Variants in TSNAXIP1 observed in about 807,000 individuals in gnomAD.
The protein encoded by TSNAXIP1 is translin associated factor X interacting protein 1.
TSNAXIP1 carries 89 observed loss-of-function variants against 84.8 expected under a neutral mutation model. That is an observed-to-expected ratio of 1.05 (90% CI 0.88 to 1.25). The LOEUF (loss-of-function observed/expected upper bound fraction) is 1.25, where lower values mean the gene tolerates loss of function less well. Ranked by LOEUF, TSNAXIP1 falls within the 50% of genes most tolerant of loss-of-function variation. The pLI is 0.00. For missense variants in TSNAXIP1, 874 were observed against 887.6 expected, an observed-to-expected ratio of 0.98 and a Z score of 0.20; for synonymous variants, 347 against 335.2, an observed-to-expected ratio of 1.04 and a Z score of -0.39.
In TSNAXIP1 at chr16:67,826,082, G is replaced by C; in HGVS notation, c.1144+6G>C. On this transcript the variant is annotated splice_donor_region_variant and intron_variant, in intron 9 of 15. Coordinates refer to ENST00000561639, the MANE Select transcript of TSNAXIP1 (RefSeq NM_001288990.3). ...TGACTGGACCAAGTGCAAAGGTGAG[G>C]GCAGCCGGCAGGGCCCCAGGTCCTG... 6.2e-7 allele frequency: 1 copy of C among 1,613,344 alleles called. No individual in the cohort carries two copies. The highest frequency in any genetic ancestry group is 8.5e-7 in the Non-Finnish European group (1 of 1,180,036).
chr16:67,819,418 A>G (rs2056852176), intron 2 of TSNAXIP1, among the ~76,000 whole-genome samples: 1 of 148,662 alleles, frequency 6.7e-6, no homozygotes, highest in South Asian at 2.1e-4. Context: ...TAATTTTTGT[A>G]TTTTTAGTAG....
At chr16:67,822,673 T>C (rs1449636128) in intron 4 of TSNAXIP1, among the ~76,000 whole-genome samples, 2 of 152,212 alleles carry the variant, frequency 1.3e-5, no homozygotes, top group Non-Finnish European at 2.9e-5. Flanking sequence ...AGAGAATCCC[T>C]GCCTTTTGAC....
chr16:67,826,989 G>A lies in TSNAXIP1; in HGVS notation c.1581G>A (p.Gln527=). ...GGAGTGAGAATGTGTATGTCACCCAGAAGGAGACAGTAGCCCAGCTGCTGA... is the reference window on the plus strand; with the variant it reads ...GGAGTGAGAATGTGTATGTCACCCAAAAGGAGACAGTAGCCCAGCTGCTGA... ...GKRSENVYVT[Q]KETVAQLLKE... is the part of the protein sequence containing the mutation. Residue 527 remains glutamine, a synonymous_variant, in exon 13 of 16, where the codon CAG becomes CAA. Transcript: ENST00000561639. 6.2e-7 allele frequency: 1 copy of A among 1,614,146 alleles called. No individual in the cohort carries two copies. The highest frequency in any genetic ancestry group is 8.5e-7 in the Non-Finnish European group (1 of 1,180,008).
intron 1 of TSNAXIP1, among the ~76,000 whole-genome samples, chr16:67,810,391 T>G (rs1962568323): frequency 6.6e-6 from 1 of 151,874 alleles, no homozygotes; most frequent in South Asian, 2.1e-4. Flanking sequence ...GAGGCCAAGG[T>G]GGGCAGATCA....
rs748805985 is a variant in TSNAXIP1 at position 67,827,380 on chromosome 16, G to A, written c.1791+5G>A. The A allele has an allele frequency of 6.2e-7, 1 of 1,614,204 alleles. No individual in the cohort carries two copies. Among genetic ancestry groups the A allele is most frequent in the Non-Finnish European group, 8.5e-7 (1 of 1,180,042 alleles). On this transcript the variant is annotated splice_donor_5th_base_variant and intron_variant, in intron 14 of 15. Coordinates refer to ENST00000561639, the MANE Select transcript of TSNAXIP1 (RefSeq NM_001288990.3). ...TACCGCTCACTGTTTATGGAGGTGG[G>A]TGTGTGGGGTCCGGGGACTGGCCTG...
chr16:67,824,815 G>T, intron 6 of TSNAXIP1, 36 bp downstream of exon 6: 2 of 1,595,770 alleles, frequency 1.3e-6, no homozygotes, highest in Non-Finnish European at 1.7e-6. Flanking sequence ...CCAAGTCCCC[G>T]AATTCCTGCC....
At position 67,824,738 on chromosome 16, in the gene TSNAXIP1, ATCG is replaced by A; in HGVS notation, c.638_640del (p.Ile213_Asp214delinsAsn). The A allele has an allele frequency of 6.2e-7, 1 of 1,614,188 alleles. No homozygotes were observed. Among genetic ancestry groups the A allele is most frequent in the Non-Finnish European group, 8.5e-7 (1 of 1,180,014 alleles). On this transcript the variant is annotated inframe_deletion, in exon 6 of 16. Transcript: ENST00000561639. Reference sequence around the variant, plus strand: ...AGAGAAGATGAACTTGCTAAAACTCATCGACAAAAAGAATGAGGAGAAGATTTC... The same window carrying A: ...AGAGAAGATGAACTTGCTAAAACTCAACAAAAAGAATGAGGAGAAGATTTC...
Position 67,827,349 on chromosome 16 carries a change from C to T in TSNAXIP1, c.1765C>T (p.Leu589Phe), listed in dbSNP as rs369782798. The T allele has an allele frequency of 3.1e-6, 5 of 1,614,230 alleles. No homozygotes were observed. In the South Asian group the frequency reaches 4.4e-5, roughly 14 times the overall value. ...WHPSSSNADL[L>F]NYRSLFMEDE... Reference sequence around the variant, plus strand: ...TCCCAGCAGCAGCAATGCAGACTTGCTCAACTACCGCTCACTGTTTATGGA... The same window carrying T: ...TCCCAGCAGCAGCAATGCAGACTTGTTCAACTACCGCTCACTGTTTATGGA... The change falls in exon 14 of 16, where the codon CTC becomes TTC. Residue 589 changes from leucine (L) to phenylalanine (F), a missense_variant. By Grantham distance (22) the Leu-to-Phe change is conservative. Coordinates refer to ENST00000561639, the MANE Select transcript of TSNAXIP1 (RefSeq NM_001288990.3).
intron 2 of TSNAXIP1, among the ~76,000 whole-genome samples, chr16:67,818,943 A>C (rs531556028): frequency 3.2e-4 from 48 of 152,144 alleles, no homozygotes; most frequent in Non-Finnish European, 5.7e-4. Flanking sequence ...GCCTCAGGTT[A>C]TCCGCTTGCC....
chr16:67,813,115 G>A (rs767416416), intron 1 of TSNAXIP1, among the ~76,000 whole-genome samples: 32 of 151,772 alleles, frequency 2.1e-4, no homozygotes, highest in Non-Finnish European at 3.2e-4. Context: ...GGCCGGTCGC[G>A]GTGGCTTACG....
chr16:67,826,128 C>A, intron 9 of TSNAXIP1, 24 bp from the exon 10 acceptor site: 1 of 1,613,146 alleles, frequency 6.2e-7, no homozygotes. Context: ...GGCCCAGACT[C>A]CAGCTCCCTC....
intron 2 of TSNAXIP1, among the ~76,000 whole-genome samples, chr16:67,819,777 A>G (rs2056884431): frequency 6.8e-6 from 1 of 147,460 alleles, no homozygotes; most frequent in South Asian, 2.1e-4. Context: ...CCTCCTGAGT[A>G]GCTGGGACTA....
chr16:67,814,400 T>C lies in TSNAXIP1; in HGVS notation c.146T>C (p.Leu49Pro), dbSNP rs1360263193. The change falls in exon 2 of 16, where the codon CTG (leucine) becomes CCG (proline). Residue 49 changes from leucine (L) to proline (P), a missense_variant and splice_region_variant. Coordinates refer to ENST00000561639, the MANE Select transcript of TSNAXIP1 (RefSeq NM_001288990.3). ...NRKLLQKRRT[L>P]TGQFSMGGHL... ...AAGCTTCTTCAGAAACGAAGGACGCTGGTTAGTGACAATGTTGTTTTGGAA... is the reference window on the plus strand; with the variant it reads ...AAGCTTCTTCAGAAACGAAGGACGCCGGTTAGTGACAATGTTGTTTTGGAA... 3 of 1,535,716 alleles carry C rather than the reference T, an allele frequency of 2.0e-6. No homozygotes were observed. Among genetic ancestry groups the C allele is most frequent in the Admixed American group, 3.9e-5 (2 of 50,974 alleles).
rs2057382472 is a variant in TSNAXIP1, at chr16:67,825,676, G to C, written c.824G>C (p.Gly275Ala). ...CCCCTTCCCCTGGCAGGCATCTGGGGGGAGGACCCTGTGAAGTTAACCCTG... is the reference window on the plus strand; with the variant it reads ...CCCCTTCCCCTGGCAGGCATCTGGGCGGAGGACCCTGTGAAGTTAACCCTG... ...MSLAQSPGIW[G>A]EDPVKLTLAL... The change falls in exon 8 of 16, where the codon GGG (glycine) becomes GCG (alanine). Residue 275 changes from glycine (G) to alanine (A), a missense_variant. Coordinates refer to ENST00000561639, the MANE Select transcript of TSNAXIP1 (RefSeq NM_001288990.3). 1.2e-6 allele frequency: 2 copies of C among 1,612,146 alleles called. No individual in the cohort carries two copies. The highest frequency in any genetic ancestry group is 4.5e-5 in the East Asian group (2 of 44,842).
intron 1 of TSNAXIP1, among the ~76,000 whole-genome samples, chr16:67,812,533 G>A (rs1357507707): frequency 6.6e-6 from 1 of 151,662 alleles, no homozygotes; most frequent in Admixed American, 6.6e-5. Flanking sequence ...AGGCACGGTA[G>A]CGTGCACCTG....
At position 67,825,800 on chromosome 16, in the gene TSNAXIP1, A is replaced by T. The variant is rs1359827334; in HGVS notation, c.948A>T (p.Glu316Asp). Reference sequence around the variant, plus strand: ...ATGTGGTCCCCAGGAGGGACTTTGAAATGCAGGAGAAGACCAACAAGGATC... The same window carrying T: ...ATGTGGTCCCCAGGAGGGACTTTGATATGCAGGAGAAGACCAACAAGGATC... ...FGDVVPRRDF[E>D]MQEKTNKDLQ... Residue 316 changes from glutamate (E) to aspartate (D), a missense_variant, in exon 8 of 16, where the codon GAA becomes GAT. Glu to Asp is a conservative substitution (Grantham distance 45). Transcript: ENST00000561639. 2 of 1,614,110 alleles carry T rather than the reference A, an allele frequency of 1.2e-6. No homozygotes were observed. The highest frequency in any genetic ancestry group is 1.7e-6 in the Non-Finnish European group (2 of 1,179,984).
intron 2 of TSNAXIP1, among the ~76,000 whole-genome samples, chr16:67,820,597 T>A (rs980751183): frequency 3.3e-5 from 5 of 151,846 alleles, no homozygotes; most frequent in Non-Finnish European, 7.4e-5. Flanking sequence ...ATACAAAAAT[T>A]AGATGGGTGT....
intron 4 of TSNAXIP1, among the ~76,000 whole-genome samples, chr16:67,822,729 T>A (rs1450207495): frequency 6.6e-6 from 1 of 152,174 alleles, no homozygotes; most frequent in African/African-American, 2.4e-5. Flanking sequence ...TATGTGCAAG[T>A]GCAAGGCCCT....
intron 2 of TSNAXIP1, among the ~76,000 whole-genome samples, chr16:67,819,958 A>G (rs1160788050): frequency 1.3e-5 from 2 of 151,762 alleles, no homozygotes; most frequent in African/African-American, 4.8e-5. Context: ...AGCTGGGACT[A>G]CAGGTGTCCG....
Sources: gnomAD v4.1 joint callset for allele counts (sites outside exome capture counted in the v4.1 genomes callset) on GRCh38, gnomAD v4.1.1 for gene constraint, MANE v1.5 for transcripts, NCBI Gene and HGNC (gene_info 2026-07-23, HGNC 2026-07-21) for gene names.